RANGAP1: variants seen among roughly 807,000 people sequenced by gnomAD.
RANGAP1 encodes the protein ran GTPase-activating protein 1.
Under a neutral mutation model 63.5 loss-of-function variants are expected in RANGAP1, and 38 were observed. The ratio of observed to expected loss-of-function variants is 0.60; its 90% confidence interval spans 0.46 to 0.78. RANGAP1 has a LOEUF of 0.78. Among genes scored for constraint, RANGAP1 ranks in the 30% least tolerant of loss-of-function variants. The probability of loss-of-function intolerance (pLI) is 0.00; values close to 1 mark genes in which losing one functional copy is unlikely to be tolerated. For synonymous variants in RANGAP1, 329 were observed against 310.5 expected, an observed-to-expected ratio of 1.06 and a Z score of -0.63; for missense variants, 630 against 740.3, an observed-to-expected ratio of 0.85 and a Z score of 1.73.
chr22:41,257,888 A>G lies in RANGAP1; in HGVS notation c.774+60T>C. ...CTAAACGGAGCCCCAGCTTCCCTGG[A>G]AAGACAGCAGCCAGCCTCTATCTGG... On this transcript the variant is annotated intron_variant, in intron 7 of 15. Transcript: ENST00000356244. This position sits in a 1 kb window ranked among gnomAD's most constrained non-coding sequence, Gnocchi z 4.0. 3.3e-6 allele frequency: 5 copies of G among 1,524,738 alleles called. No homozygotes were observed. The South Asian group carries it at 5.0e-5, about 15-fold the overall frequency. 94.5% of individuals were successfully genotyped at this position (1,524,738 alleles called of 1,614,324 possible).
At chr22:41,260,675 C>A (rs940229820) in intron 6 of RANGAP1, among the ~76,000 whole-genome samples, 1 of 152,118 alleles carries the variant, frequency 6.6e-6, no homozygotes, top group Non-Finnish European at 1.5e-5. Context: ...GGTAAAACCC[C>A]GTCTCTAATA....
rs1431145723 is a variant in RANGAP1, at chr22:41,256,917, C to T, written c.775-93G>A. On this transcript the variant is annotated intron_variant, in intron 7 of 15. Transcript: ENST00000356244. ...GGGCCCCACACGGTCACATCCCAAG[C>T]CAGCCACCACACACTGTCCTCCTCT... 3 of 859,940 alleles carry T rather than the reference C, an allele frequency of 3.5e-6. No individual in the cohort carries two copies. The Admixed American group carries it at 6.3e-5, about 18-fold the overall frequency. The allele number at this position is 859,940 out of a possible 1,614,324, so 53.3% of individuals were successfully genotyped here. A position where few individuals can be genotyped will look rare whatever the true frequency, so the allele number is the denominator to read the frequency against.
rs1234938730 is a variant in RANGAP1, at chr22:41,268,155, C to T, written c.242G>A (p.Arg81His). ...CGTGAACATGTCACTCCAGTGGCAG[C>T]GCTGCAACGGAAAGAAGAGAAGAGT... ...KALEKKSELK[R>H]CHWSDMFTGR... is the part of the protein sequence containing the mutation. The change falls in exon 4 of 16, where the codon CGC becomes CAC. Residue 81 changes from arginine to histidine, a missense_variant and splice_region_variant. Physicochemically the swap from Arg to His is conservative, Grantham distance 29. Around this residue, in one of 3 missense-constraint regions of RANGAP1, gnomAD observed 137 missense variants for 214.3 expected, o/e 0.64. Transcript: ENST00000356244. 4 of 1,550,652 alleles carry T rather than the reference C, an allele frequency of 2.6e-6. No individual in the cohort carries two copies. The highest frequency in any genetic ancestry group is 1.9e-5 in the Admixed American group (1 of 51,394).
intron 10 of RANGAP1, among the ~76,000 whole-genome samples, chr22:41,254,875 G>A (rs909670721): frequency 4.6e-5 from 7 of 152,030 alleles, no homozygotes; most frequent in African/African-American, 1.7e-4. Context: ...AGGAGGCTGA[G>A]GCAGGAGAAT....
chr22:41,261,375 C>T, intron 6 of RANGAP1, 71 bp downstream of exon 6: 1 of 1,597,326 alleles, frequency 6.3e-7, no homozygotes, highest in Non-Finnish European at 8.5e-7. Context: ...GGATTAGCAT[C>T]CAGAACTGTC....
chr22:41,261,398 C>T (rs530791480), intron 6 of RANGAP1, 48 bp downstream of exon 6: 21 of 1,611,348 alleles, frequency 1.3e-5, no homozygotes, highest in Non-Finnish European at 1.6e-5. Flanking sequence ...CCTACTATGC[C>T]GAGTGCACCT....
chr22:41,256,416 G>A, intron 8 of RANGAP1, 126 bp from the exon 9 acceptor site: 1 of 896,958 alleles, frequency 1.1e-6, no homozygotes, highest in Non-Finnish European at 1.7e-6. Context: ...GGCAAAGTGG[G>A]CAGGAAGAAT....
At chr22:41,254,904 G>A (rs79911091) in intron 10 of RANGAP1, among the ~76,000 whole-genome samples, 3 of 151,860 alleles carry the variant, frequency 2.0e-5, no homozygotes, top group East Asian at 3.9e-4. Flanking sequence ...CCCTGGAGGC[G>A]GAGCTGGCAG....
intron 2 of RANGAP1, among the ~76,000 whole-genome samples, chr22:41,275,640 G>T (rs574450980): frequency 6.6e-6 from 1 of 152,088 alleles, no homozygotes; most frequent in Non-Finnish European, 1.5e-5. Flanking sequence ...TTAGCTGGGC[G>T]TGATGGCACA....
the RANGAP1 span, among the ~76,000 whole-genome samples, chr22:41,294,677 A>G: frequency 2.3e-5 from 3 of 130,086 alleles, no homozygotes; most frequent in South Asian, 2.6e-4. Context: ...CCATCGTCTG[A>G]GATGTGGGGA....
chr22:41,281,771 T>C (rs1055843699), intron 1 of RANGAP1: 6 of 453,498 alleles, frequency 1.3e-5, no homozygotes, highest in African/African-American at 6.4e-5. Flanking sequence ...ACCAGAAGAT[T>C]TGGGTAGAAA....
chr22:41,272,601 A>G (rs2034904275), intron 3 of RANGAP1, among the ~76,000 whole-genome samples: 1 of 151,838 alleles, frequency 6.6e-6, no homozygotes, highest in South Asian at 2.1e-4. Flanking sequence ...GCTCACTGCA[A>G]CCTCTGCCTC....
chr22:41,290,916 G>A (rs773752535), upstream of RANGAP1, among the ~76,000 whole-genome samples: 2 of 152,164 alleles, frequency 1.3e-5, no homozygotes, highest in African/African-American at 4.8e-5. Context: ...CTGGGTGCTC[G>A]CCTGCAGCCC....
At chr22:41,278,879 C>G (rs1333173653) in intron 2 of RANGAP1, among the ~76,000 whole-genome samples, 1 of 152,194 alleles carries the variant, frequency 6.6e-6, no homozygotes, top group Non-Finnish European at 1.5e-5. Flanking sequence ...TGGCTCACGC[C>G]TGTAATCCCA....
the RANGAP1 span, among the ~76,000 whole-genome samples, chr22:41,294,036 T>TTTTCCC: frequency 6.6e-6 from 1 of 151,042 alleles, no homozygotes; most frequent in Non-Finnish European, 1.5e-5. Flanking sequence ...CTCCCTCTCC[T>TTTTCCC]TCTCCCTCTC....
rs750783344 is a variant in RANGAP1 at position 41,264,817 on chromosome 22, T to G, written c.327A>C (p.Thr109=). 5.0e-6 allele frequency: 8 copies of G among 1,612,690 alleles called. No individual in the cohort carries two copies. In the Admixed American group the frequency reaches 1.3e-4, roughly 27 times the overall value. ...ALISLGEGLI[T]AGAQLVELDL... ...CCAGCTCCACCAGCTGAGCCCCAGC[T>G]GTGATGAGTCCTTCCCCTAGTGAGA... Residue 109 remains threonine (T), a synonymous_variant, in exon 5 of 16, where the codon ACA becomes ACC. Transcript: ENST00000356244.
chr22:41,259,128 A>C (rs1380811720), intron 6 of RANGAP1, among the ~76,000 whole-genome samples: 1 of 151,806 alleles, frequency 6.6e-6, no homozygotes, highest in Non-Finnish European at 1.5e-5. Flanking sequence ...TCCTGCCTAC[A>C]TTCAAAGCCT....
intron 13 of RANGAP1, among the ~76,000 whole-genome samples, chr22:41,250,718 T>A (rs1469067532): frequency 6.6e-6 from 1 of 152,130 alleles, no homozygotes; most frequent in African/African-American, 2.4e-5. Flanking sequence ...CTGCGTCCAT[T>A]GGGCTTGCAG....
the RANGAP1 span, among the ~76,000 whole-genome samples, chr22:41,301,072 A>G: frequency 2.6e-5 from 4 of 152,170 alleles, no homozygotes; most frequent in African/African-American, 9.7e-5. Context: ...GTAGTCTTTA[A>G]CAAGTGTCAT....
Sources: allele counts gnomAD v4.1 joint callset (sites outside exome capture counted in the v4.1 genomes callset), GRCh38; gene constraint gnomAD v4.1.1; regional missense constraint gnomAD v4.1.1; non-coding constraint Gnocchi (gnomAD v3.1); transcripts MANE v1.5; gene names NCBI Gene and HGNC (gene_info 2026-07-23, HGNC 2026-07-21).